ARHGAP24: variants seen among roughly 807,000 people sequenced by gnomAD.
ARHGAP24 encodes Rho GTPase activating protein 24, also known as rho GTPase-activating protein 24.
A neutral mutation model predicts 76.4 loss-of-function variants in ARHGAP24; 50 were observed. That is an observed-to-expected ratio of 0.65 (90% CI 0.52 to 0.83). The LOEUF (loss-of-function observed/expected upper bound fraction) is 0.83. Among genes scored for constraint, ARHGAP24 ranks in the 40% least tolerant of loss-of-function variants. The probability of loss-of-function intolerance (pLI) is 0.00; values close to 1 mark genes in which losing one functional copy is unlikely to be tolerated. For synonymous variants in ARHGAP24, 345 were observed against 323.3 expected (o/e 1.07, Z -0.72); for missense variants, 930 against 914.2 (o/e 1.02, Z -0.22).
intron 3 of ARHGAP24, among the ~76,000 whole-genome samples, chr4:85,753,612 C>T (rs1726352342): frequency 6.6e-6 from 1 of 152,212 alleles, no homozygotes; most frequent in African/African-American, 2.4e-5. Context: ...TCTTTACGCA[C>T]TGGTTAATGG....
At chr4:85,968,890 T>A (rs554562995) in intron 5 of ARHGAP24, among the ~76,000 whole-genome samples, 47 of 152,190 alleles carry the variant, frequency 3.1e-4, no homozygotes, top group East Asian at 2.5e-3. Flanking sequence ...AATCAAAAAA[T>A]ATATATATAA....
chr4:85,643,813 A>G (rs1721619826), intron 2 of ARHGAP24, among the ~76,000 whole-genome samples: 1 of 152,152 alleles, frequency 6.6e-6, no homozygotes. Flanking sequence ...AATCAGTGAG[A>G]ACTCTCATTG....
intron 3 of ARHGAP24, among the ~76,000 whole-genome samples, chr4:85,732,151 G>A (rs1426249787): frequency 2.0e-5 from 3 of 152,204 alleles, no homozygotes; most frequent in African/African-American, 7.2e-5. Flanking sequence ...CTAAACAAAT[G>A]TCAGCTGCTG....
At position 85,951,833 on chromosome 4, in the gene ARHGAP24, T is replaced by G. The variant is rs1737633743; in HGVS notation, c.599+9560T>G. On this transcript the variant is annotated intron_variant, in intron 5 of 9. Transcript: ENST00000395184. The stretch of plus-strand genomic sequence containing the variant: ...TCCCACAGGTATTCTGCAAAGACAA[T>G]CTCTAGTCACTGACATTGTACCTCT... 2.0e-5 allele frequency among the ~76,000 whole-genome samples: 3 copies of G among 152,108 alleles called. No individual in the cohort carries two copies. In the South Asian group the frequency reaches 6.2e-4, roughly 32 times the overall value.
chr4:85,504,579 T>G (rs908689874), intron 1 of ARHGAP24, among the ~76,000 whole-genome samples: 1 of 152,208 alleles, frequency 6.6e-6, no homozygotes, highest in African/African-American at 2.4e-5. Context: ...TTGGTAGATC[T>G]TCCTCCATCC....
chr4:85,847,276 GT>G (rs1352164317), intron 3 of ARHGAP24, among the ~76,000 whole-genome samples: 2 of 151,818 alleles, frequency 1.3e-5, no homozygotes, highest in Non-Finnish European at 2.9e-5. Flanking sequence ...ACAAATATTT[GT>G]TGATTTGCAT....
Position 85,716,636 on chromosome 4 carries a change from G to A in ARHGAP24, c.181-5249G>A, listed in dbSNP as rs1371220110. 7.2e-5 allele frequency among the ~76,000 whole-genome samples: 11 copies of A among 152,078 alleles called. 1 individual carries two copies. The highest frequency in any genetic ancestry group is 3.4e-3 in the Middle Eastern group (1 of 294). ...GAAAACTCAAGACACTTGCACCCTG[G>A]TTCTTTTGTCACTCAGTATTCCAGC... On this transcript the variant is annotated intron_variant, in intron 2 of 9. Coordinates refer to ENST00000395184, the MANE Select transcript of ARHGAP24 (RefSeq NM_001025616.3).
At chr4:85,933,575 T>C (rs1736467445) in intron 4 of ARHGAP24, among the ~76,000 whole-genome samples, 1 of 152,166 alleles carries the variant, frequency 6.6e-6, no homozygotes, top group Admixed American at 6.5e-5. Context: ...CCAAGAAACA[T>C]CTATTAGGCA....
At chr4:85,941,307 T>C (rs1736933013) in intron 4 of ARHGAP24, among the ~76,000 whole-genome samples, 1 of 152,144 alleles carries the variant, frequency 6.6e-6, no homozygotes, top group African/African-American at 2.4e-5. Context: ...GGTTTGTAGG[T>C]GTTGTAAAAT....
At chr4:85,512,071 T>C (rs1468512927) in intron 1 of ARHGAP24, among the ~76,000 whole-genome samples, 7 of 152,218 alleles carry the variant, frequency 4.6e-5, no homozygotes, top group Admixed American at 4.6e-4. Context: ...ACAAACCTGT[T>C]TCCCAAATAA....
At chr4:85,956,730 T>A (rs2118043) in intron 5 of ARHGAP24, among the ~76,000 whole-genome samples, 36,210 of 152,042 alleles carry the variant, frequency 0.24, 4,413 homozygotes, top group South Asian at 0.39. Context: ...GGAGGGGCAA[T>A]GGACGCCTCG....
intron 3 of ARHGAP24, chr4:85,722,412 C>A (rs372678054): frequency 1.5e-4 from 30 of 195,646 alleles, no homozygotes; most frequent in Middle Eastern, 4.8e-4. Context: ...AACAAACAAA[C>A]AAAAAAAAAC....
intron 2 of ARHGAP24, among the ~76,000 whole-genome samples, chr4:85,586,145 T>TC (rs1187404691): frequency 1.8e-4 from 27 of 152,324 alleles, no homozygotes; most frequent in African/African-American, 6.3e-4. Context: ...TCTTTCTTGT[T>TC]CTTGCTCATA....
intron 2 of ARHGAP24, among the ~76,000 whole-genome samples, chr4:85,713,530 A>ATGAATAAG (rs1297192637): frequency 6.6e-6 from 1 of 152,168 alleles, no homozygotes; most frequent in African/African-American, 2.4e-5. Context: ...TGATGGATAA[A>ATGAATAAG]TGAATAAGTG....
chr4:85,937,992 G>A (rs754141824), intron 4 of ARHGAP24, among the ~76,000 whole-genome samples: 17 of 152,150 alleles, frequency 1.1e-4, no homozygotes, highest in African/African-American at 1.9e-4. Flanking sequence ...TGTATCTATA[G>A]CATCACAGTC....
intron 2 of ARHGAP24, among the ~76,000 whole-genome samples, chr4:85,665,771 A>G (rs967292271): frequency 9.9e-5 from 15 of 152,110 alleles, no homozygotes; most frequent in African/African-American, 3.4e-4. Context: ...TCCTTCACTT[A>G]TGAAGCTTAG....
intron 2 of ARHGAP24, among the ~76,000 whole-genome samples, chr4:85,631,795 G>T (rs1301778539): frequency 3.3e-5 from 5 of 151,920 alleles, no homozygotes; most frequent in African/African-American, 9.7e-5. Context: ...TTTATGCCTA[G>T]GGTCTTTGTC....
chr4:85,929,121 T>G (rs540274823), intron 4 of ARHGAP24, among the ~76,000 whole-genome samples: 2 of 152,334 alleles, frequency 1.3e-5, no homozygotes, highest in South Asian at 4.1e-4. Flanking sequence ...AGATCAGTGT[T>G]CAGGTCAGTG....
chr4:85,919,066 C>T (rs1283653952), intron 3 of ARHGAP24, among the ~76,000 whole-genome samples: 2 of 152,186 alleles, frequency 1.3e-5, no homozygotes, highest in Non-Finnish European at 2.9e-5. Flanking sequence ...ATAATACACA[C>T]ACATATCACA....
Sources: allele counts gnomAD v4.1 joint callset (sites outside exome capture counted in the v4.1 genomes callset), GRCh38; gene constraint gnomAD v4.1.1; transcripts MANE v1.5; gene names NCBI Gene and HGNC (gene_info 2026-07-23, HGNC 2026-07-21).